Variants in GBE1 observed in about 807,000 individuals in gnomAD.
The protein encoded by GBE1 is 1,4-alpha-glucan branching enzyme 1.
A neutral mutation model predicts 88.8 loss-of-function variants in GBE1; 70 were observed. That is an observed-to-expected ratio of 0.79 (90% CI 0.65 to 0.96). The LOEUF (loss-of-function observed/expected upper bound fraction) is 0.96. Ranked by LOEUF, GBE1 falls within the 40% of genes least tolerant of loss-of-function variation. The pLI is 0.00. For synonymous variants in GBE1, 284 were observed against 300.1 expected, an observed-to-expected ratio of 0.95 and a Z score of 0.56; for missense variants, 872 against 871.0, an observed-to-expected ratio of 1.00 and a Z score of -0.01.
At chr3:81,672,129 G>A (rs1389632452) in intron 2 of GBE1, among the ~76,000 whole-genome samples, 1 of 151,942 alleles carries the variant, frequency 6.6e-6, no homozygotes, top group Admixed American at 6.6e-5. Flanking sequence ...AAAATTAAAA[G>A]TTTAAAAATA....
chr3:81,611,687 T>C (rs879252403), intron 7 of GBE1, among the ~76,000 whole-genome samples: 1 of 152,204 alleles, frequency 6.6e-6, no homozygotes, highest in South Asian at 2.1e-4. Flanking sequence ...AACTATAATA[T>C]TGAGGTCCTT....
At chr3:81,509,075 G>A (rs1702690550) in intron 14 of GBE1, among the ~76,000 whole-genome samples, 1 of 152,028 alleles carries the variant, frequency 6.6e-6, no homozygotes, top group South Asian at 2.1e-4. Context: ...GCTGTCTCAA[G>A]AGATGAAAAA....
intron 12 of GBE1, among the ~76,000 whole-genome samples, chr3:81,568,080 T>A (rs1325627593): frequency 6.6e-6 from 1 of 152,022 alleles, no homozygotes; most frequent in Non-Finnish European, 1.5e-5. Flanking sequence ...CTTTAGAGAG[T>A]GTTTTTCTGT....
chr3:81,750,086 C>A (rs184909861), intron 1 of GBE1, among the ~76,000 whole-genome samples: 44 of 149,328 alleles, frequency 2.9e-4, no homozygotes, highest in Middle Eastern at 3.4e-3. Context: ...ACAACTTAAA[C>A]CACAAAAATA....
At chr3:81,665,359 C>T (rs1432768462) in intron 3 of GBE1, among the ~76,000 whole-genome samples, 1 of 151,244 alleles carries the variant, frequency 6.6e-6, no homozygotes, top group Non-Finnish European at 1.5e-5. Context: ...CAGTGAAACC[C>T]CGTCTCTACT....
chr3:81,751,965 T>C (rs1480952103), intron 1 of GBE1, among the ~76,000 whole-genome samples: 1 of 152,208 alleles, frequency 6.6e-6, no homozygotes, highest in Non-Finnish European at 1.5e-5. Flanking sequence ...TTTTGCTGGG[T>C]ATTTGGAAAA....
chr3:81,657,144 AAAAACAAAAC>A (rs1287103855), intron 3 of GBE1, among the ~76,000 whole-genome samples: 4 of 151,236 alleles, frequency 2.6e-5, no homozygotes, highest in Admixed American at 6.6e-5. Flanking sequence ...CAAAAAAAAA[AAAAACAAAAC>A]AAAAAAAAAC....
chr3:81,578,254 A>C (rs1002462810), intron 11 of GBE1, among the ~76,000 whole-genome samples, 158 bp from the exon 12 acceptor site: 4 of 152,160 alleles, frequency 2.6e-5, no homozygotes, highest in Non-Finnish European at 4.4e-5. Context: ...GTGATTTTCT[A>C]GGCTCAAGGC....
rs186865183 is a variant in GBE1, at chr3:81,567,425, A to G, written c.1618+10500T>C. On this transcript the variant is annotated intron_variant, in intron 12 of 15. Coordinates refer to ENST00000429644, the MANE Select transcript of GBE1 (RefSeq NM_000158.4). ...TAGTATCATGGCTCTAGCAAAATTC[A>G]TATGTTGAGAAATACCAATTTTATT... Among the ~76,000 whole-genome samples, 20 of 152,320 alleles carry G rather than the reference A, an allele frequency of 1.3e-4. No homozygotes were observed. In the East Asian group the frequency reaches 3.7e-3, roughly 28 times the overall value.
intron 14 of GBE1, chr3:81,509,725 C>T (rs1011550394): frequency 2.6e-5 from 4 of 151,818 alleles, no homozygotes; most frequent in Admixed American, 2.6e-4. Flanking sequence ...TTTCATACTA[C>T]TTTGGTCATC....
intron 3 of GBE1, among the ~76,000 whole-genome samples, chr3:81,650,766 G>A (rs1019274328): frequency 2.0e-5 from 3 of 152,150 alleles, no homozygotes; most frequent in Non-Finnish European, 4.4e-5. Context: ...ACAGGCTCAG[G>A]TGATCCTCCC....
At chr3:81,551,373 A>G (rs981279205) in intron 12 of GBE1, among the ~76,000 whole-genome samples, 1 of 152,140 alleles carries the variant, frequency 6.6e-6, no homozygotes, top group Non-Finnish European at 1.5e-5. Flanking sequence ...AGGATCTGTA[A>G]AAGTTAAAGA....
intron 7 of GBE1, among the ~76,000 whole-genome samples, chr3:81,630,945 A>G (rs1576177433): frequency 6.6e-6 from 1 of 152,144 alleles, no homozygotes; most frequent in East Asian, 1.9e-4. Context: ...GCTCATGCCT[A>G]TAATCCTAGC....
chr3:81,570,165 C>T (rs556171287), intron 12 of GBE1, among the ~76,000 whole-genome samples: 5 of 152,178 alleles, frequency 3.3e-5, no homozygotes, highest in South Asian at 2.1e-4. Context: ...CTAAAATATA[C>T]GGTCACTAGG....
chr3:81,592,811 C>T (rs997082833), intron 8 of GBE1, among the ~76,000 whole-genome samples: 5 of 151,888 alleles, frequency 3.3e-5, no homozygotes, highest in African/African-American at 9.7e-5. Context: ...TAACTTTTGC[C>T]TTTGCATACC....
chr3:81,642,977 G>T lies in GBE1; in HGVS notation c.796C>A (p.Pro266Thr). Residue 266 changes from proline (P) to threonine (T), a missense_variant, in exon 7 of 16, where the codon CCT becomes ACT. Physicochemically the swap from Pro to Thr is conservative, Grantham distance 38. Coordinates refer to ENST00000429644, the MANE Select transcript of GBE1 (RefSeq NM_000158.4). ...TCTACCAGTTCTTGTAGCTCTTCAGGTGTTCCATAACGGCTAACAATGAAG... is the reference window on the plus strand; with the variant it reads ...TCTACCAGTTCTTGTAGCTCTTCAGTTGTTCCATAACGGCTAACAATGAAG... Reference protein sequence around the residue: ...FFAASSRYGTPEELQELVDTA... With the variant: ...FFAASSRYGTTEELQELVDTA... 1 of 1,608,640 alleles carries T rather than the reference G, an allele frequency of 6.2e-7. No individual in the cohort carries two copies. Among genetic ancestry groups the T allele is most frequent in the Non-Finnish European group, 8.5e-7 (1 of 1,176,542 alleles).
At chr3:81,500,560 T>G (rs1370366144) in intron 14 of GBE1, among the ~76,000 whole-genome samples, 2 of 152,174 alleles carry the variant, frequency 1.3e-5, no homozygotes, top group African/African-American at 4.8e-5. Flanking sequence ...AAATACCAAT[T>G]AATGAATTAC....
chr3:81,641,000 C>T (rs1370228703), intron 7 of GBE1, among the ~76,000 whole-genome samples: 3 of 152,002 alleles, frequency 2.0e-5, no homozygotes, highest in African/African-American at 7.2e-5. Context: ...TTTTTGAAAA[C>T]AATGATGTAT....
chr3:81,642,763 T>C lies in GBE1; in HGVS notation c.992+18A>G, dbSNP rs1704703499. The C allele has an allele frequency of 2.0e-6, 3 of 1,481,974 alleles. No individual in the cohort carries two copies. Among genetic ancestry groups the C allele is most frequent in the Non-Finnish European group, 1.9e-6 (2 of 1,062,584 alleles). The allele number at this position is 1,481,974 out of a possible 1,614,324, so 91.8% of individuals were successfully genotyped here. ...AAACAGCAACAATAGAAAACATTTC[T>C]ATATTGTATGTACCTACCTGGAGTA... On this transcript the variant is annotated intron_variant, in intron 7 of 15. Coordinates refer to ENST00000429644, the MANE Select transcript of GBE1 (RefSeq NM_000158.4).
Sources: allele counts gnomAD v4.1 joint callset (sites outside exome capture counted in the v4.1 genomes callset), GRCh38; gene constraint gnomAD v4.1.1; transcripts MANE v1.5; gene names NCBI Gene and HGNC (gene_info 2026-07-23, HGNC 2026-07-21).